Variants in ZBED3 observed in about 807,000 individuals in gnomAD.
ZBED3 encodes zinc finger BED-type containing 3, also known as zinc finger BED domain-containing protein 3.
For synonymous variants in ZBED3, 175 were observed against 180.0 expected, an observed-to-expected ratio of 0.97 and a Z score of 0.22; for missense variants, 388 against 362.9, an observed-to-expected ratio of 1.07 and a Z score of -0.56.
chr5:77,076,971 A>C lies in ZBED3; in HGVS notation c.*203T>G. On this transcript the variant is annotated 3_prime_UTR_variant, in exon 3 of 3. Coordinates refer to ENST00000255198, the MANE Select transcript of ZBED3 (RefSeq NM_032367.4). ...CAGGCACCCCCGGTGACCCCATGGAAGTGAGTTTTGGTTCTGCTCTGGCTT... is the reference window on the plus strand; with the variant it reads ...CAGGCACCCCCGGTGACCCCATGGACGTGAGTTTTGGTTCTGCTCTGGCTT... 5 of 386,760 alleles carry C rather than the reference A, an allele frequency of 1.3e-5. No individual in the cohort carries two copies. Among genetic ancestry groups the C allele is most frequent in the Middle Eastern group, 5.7e-4 (1 of 1,760 alleles). 24.0% of individuals were successfully genotyped at this position (386,760 alleles called of 1,614,324 possible).
At position 77,076,057 on chromosome 5, in the gene ZBED3, TA is replaced by T. The variant is rs1742993987; in HGVS notation, c.*1116del. 1 of 130,792 alleles carries T rather than the reference TA, an allele frequency of 7.6e-6. No homozygotes were observed. Among genetic ancestry groups the T allele is most frequent in the Non-Finnish European group, 1.6e-5 (1 of 62,468 alleles). The allele number at this position is 130,792 out of a possible 1,614,324, so 8.1% of individuals were successfully genotyped here. The stretch of plus-strand genomic sequence containing the variant: ...TGTATATATGTATATATATATATAA[TA>T]TATACACACATAAAGAAAAAAAGAA... On this transcript the variant is annotated 3_prime_UTR_variant, in exon 3 of 3. Transcript: ENST00000255198.
At chr5:77,083,181 C>T (rs762806338) in intron 1 of ZBED3, among the ~76,000 whole-genome samples, 2 of 152,208 alleles carry the variant, frequency 1.3e-5, no homozygotes, top group African/African-American at 2.4e-5. Context: ...CAACCCTTGG[C>T]TCCTCAAGCA....
At position 77,076,025 on chromosome 5, in the gene ZBED3, ATATATATG is replaced by A. The variant is rs1554048051; in HGVS notation, c.*1141_*1148del. 1.2e-4 allele frequency: 9 copies of A among 72,528 alleles called. No individual in the cohort carries two copies. The East Asian group carries it at 2.3e-3, about 19-fold the overall frequency. 4.5% of individuals were successfully genotyped at this position (72,528 alleles called of 1,614,324 possible). On this transcript the variant is annotated 3_prime_UTR_variant, in exon 3 of 3. Transcript: ENST00000255198. ...TGTATATATATATGTATATATGTATATATATATGTATATATGTATATATATATATAATA... is the reference window on the plus strand; with the variant it reads ...TGTATATATATATGTATATATGTATATATATATGTATATATATATATAATA...
chr5:77,075,959 A>T lies in ZBED3; in HGVS notation c.*1215T>A, dbSNP rs187464718. On this transcript the variant is annotated 3_prime_UTR_variant, in exon 3 of 3. Transcript: ENST00000255198. The stretch of plus-strand genomic sequence containing the variant: ...ATTATATATACATATATATATATAT[A>T]TATATATGTATATGTATATATGTAT... The T allele has an allele frequency of 3.1e-4, 11 of 35,238 alleles. 1 individual carries two copies. Among genetic ancestry groups the T allele is most frequent in the African/African-American group, 1.3e-3 (11 of 8,580 alleles). The allele number at this position is 35,238 out of a possible 1,614,324, so 2.2% of individuals were successfully genotyped here.
At chr5:77,078,013 T>A in intron 2 of ZBED3, 118 bp from the exon 3 acceptor site, 1 of 661,134 alleles carries the variant, frequency 1.5e-6, no homozygotes, top group Non-Finnish European at 2.1e-6. Context: ...AAGCCTATAG[T>A]GTGTGTAGAT....
chr5:77,079,849 T>A (rs1743095402), intron 1 of ZBED3, among the ~76,000 whole-genome samples: 1 of 152,250 alleles, frequency 6.6e-6, no homozygotes, highest in Admixed American at 6.5e-5. Flanking sequence ...GTAAATATTA[T>A]GGTTATATAA....
chr5:77,078,972 AAG>A (rs1743078642), intron 1 of ZBED3: 1 of 152,270 alleles, frequency 6.6e-6, no homozygotes, highest in African/African-American at 2.4e-5. Flanking sequence ...AAGGAAGAAA[AAG>A]AAATAAAATA....
intron 1 of ZBED3, among the ~76,000 whole-genome samples, chr5:77,079,675 A>C (rs1174803221): frequency 1.3e-5 from 2 of 152,352 alleles, no homozygotes; most frequent in East Asian, 3.9e-4. Context: ...GCATTGATTT[A>C]AATATGGTCA....
At chr5:77,086,596 A>C (rs889736044) in intron 1 of ZBED3, 14 of 125,636 alleles carry the variant, frequency 1.1e-4, no homozygotes, top group Non-Finnish European at 1.9e-4. Flanking sequence ...AAACTGCTCC[A>C]GCGGACTCCG....
rs1561296449 is a variant in ZBED3 at position 77,075,981 on chromosome 5, GTATATATATATGTATATATGTATATA to G, written c.*1167_*1192del. 8.9e-4 allele frequency: 22 copies of G among 24,832 alleles called. 3 individuals carry two copies. Among genetic ancestry groups the G allele is most frequent in the African/African-American group, 2.2e-3 (11 of 4,978 alleles). 1.5% of individuals were successfully genotyped at this position (24,832 alleles called of 1,614,324 possible). ...TATATATATATGTATATGTATATAT[GTATATATATATGTATATATGTATATA>G]TATATGTATATATGTATATATATAT... On this transcript the variant is annotated 3_prime_UTR_variant, in exon 3 of 3. Coordinates refer to ENST00000255198, the MANE Select transcript of ZBED3 (RefSeq NM_032367.4).
At chr5:77,083,433 A>C (rs1357317841) in intron 1 of ZBED3, among the ~76,000 whole-genome samples, 1 of 152,226 alleles carries the variant, frequency 6.6e-6, no homozygotes, top group Non-Finnish European at 1.5e-5. Context: ...TGCTGCATTA[A>C]GTGAAGTGAA....
rs1285247227 is a variant in ZBED3 at position 77,073,521 on chromosome 5, G to GT, written c.*3652dup. 1 of 152,034 alleles carries GT rather than the reference G, an allele frequency of 6.6e-6. No individual in the cohort carries two copies. Among genetic ancestry groups the GT allele is most frequent in the African/African-American group, 2.4e-5 (1 of 41,392 alleles). The allele number at this position is 152,034 out of a possible 1,614,324, so 9.4% of individuals were successfully genotyped here. On this transcript the variant is annotated 3_prime_UTR_variant, in exon 3 of 3. Transcript: ENST00000255198. ...AGAGGTGACAGGATTTTGGGGTGTTGTTTTTTTCTGTTCTTCTTCCTTGAC... is the reference window on the plus strand; with the variant it reads ...AGAGGTGACAGGATTTTGGGGTGTTGTTTTTTTTCTGTTCTTCTTCCTTGAC...
chr5:77,083,409 A>G (rs1743171807), intron 1 of ZBED3, among the ~76,000 whole-genome samples: 1 of 152,220 alleles, frequency 6.6e-6, no homozygotes, highest in Non-Finnish European at 1.5e-5. Flanking sequence ...GGCACAGGGT[A>G]GACACTTGGG....
rs35247540 is a variant in ZBED3 at position 77,076,690 on chromosome 5, CTTT to C, written c.*481_*483del. On this transcript the variant is annotated 3_prime_UTR_variant, in exon 3 of 3. Coordinates refer to ENST00000255198, the MANE Select transcript of ZBED3 (RefSeq NM_032367.4). ...TTGGGCAGATTATGCATTAGGAACT[CTTT>C]TTTTTTTTTTTTTGGGTAAAAAGCT... is the stretch of plus-strand genomic sequence containing the variant. The C allele has an allele frequency of 6.8e-4, 97 of 143,626 alleles. No individual in the cohort carries two copies. The highest frequency in any genetic ancestry group is 1.5e-3 in the African/African-American group (57 of 38,812). 8.9% of individuals were successfully genotyped at this position (143,626 alleles called of 1,614,324 possible).
Position 77,077,443 on chromosome 5 carries a change from G to C in ZBED3, c.436C>G (p.Arg146Gly). ...MGALAVRGSR[R>G]ERELERRELA... is the part of the protein sequence containing the mutation. ...TCGCGCCGCTCCAGCTCCCGCTCCCGCCGGCTGCCGCGCACGGCCAGCGCG... is the reference window on the plus strand; with the variant it reads ...TCGCGCCGCTCCAGCTCCCGCTCCCCCCGGCTGCCGCGCACGGCCAGCGCG... The change falls in exon 3 of 3, where the codon CGG becomes GGG. Residue 146 changes from arginine (R) to glycine (G), a missense_variant. By Grantham distance (125) the Arg-to-Gly change is moderately radical (BLOSUM62 -2). Transcript: ENST00000255198. The C allele has an allele frequency of 8.2e-7, 1 of 1,212,384 alleles. No individual in the cohort carries two copies. Among genetic ancestry groups the C allele is most frequent in the Middle Eastern group, 3.3e-4 (1 of 3,026 alleles). 75.1% of individuals were successfully genotyped at this position (1,212,384 alleles called of 1,614,324 possible).
chr5:77,077,979 G>T, intron 2 of ZBED3, 84 bp from the exon 3 acceptor site: 2 of 1,008,396 alleles, frequency 2.0e-6, no homozygotes, highest in Non-Finnish European at 2.5e-6. Context: ...AAACCATGCC[G>T]CCCTCCATTT....
chr5:77,077,624 C>T lies in ZBED3; in HGVS notation c.255G>A (p.Gly85=). ...TCAGGTGCCTCCACAACGCCGAGGT[C>T]CCCGCGTGGAAGCCCGGGCCGCGGC... is the stretch of plus-strand genomic sequence containing the variant. The part of the protein sequence containing the change: ...QVGRGPGFHA[G]TSALWRHLRS... Residue 85 remains glycine (G), a synonymous_variant, in exon 3 of 3, where the codon GGG becomes GGA. Coordinates refer to ENST00000255198, the MANE Select transcript of ZBED3 (RefSeq NM_032367.4). The T allele has an allele frequency of 1.4e-6, 2 of 1,411,784 alleles. No homozygotes were observed. Among genetic ancestry groups the T allele is most frequent in the Non-Finnish European group, 9.2e-7 (1 of 1,082,420 alleles). The allele number at this position is 1,411,784 out of a possible 1,614,324, so 87.5% of individuals were successfully genotyped here. A position where few individuals can be genotyped will look rare whatever the true frequency, so the allele number is the denominator to read the frequency against.
chr5:77,078,278 G>A (rs530382898), intron 2 of ZBED3, among the ~76,000 whole-genome samples: 118 of 152,304 alleles, frequency 7.7e-4, no homozygotes, highest in African/African-American at 2.7e-3. Flanking sequence ...AATAAAAAAG[G>A]TACTGTCTTC....
chr5:77,083,365 TC>T (rs1433433210), intron 1 of ZBED3, among the ~76,000 whole-genome samples: 2 of 152,266 alleles, frequency 1.3e-5, no homozygotes, highest in Middle Eastern at 3.4e-3. Context: ...ACCCAGGATG[TC>T]ATGGAAGAGG....
Sources: gnomAD v4.1 joint callset for allele counts (sites outside exome capture counted in the v4.1 genomes callset) on GRCh38, gnomAD v4.1.1 for gene constraint, MANE v1.5 for transcripts, NCBI Gene and HGNC (gene_info 2026-07-23, HGNC 2026-07-21) for gene names.